Variants in JAZF1 observed in about 807,000 individuals in gnomAD.
JAZF1 encodes JAZF zinc finger 1.
A neutral mutation model predicts 26.4 loss-of-function variants in JAZF1; 8 were observed. That is an observed-to-expected ratio of 0.30 (90% CI 0.18 to 0.55). The LOEUF is 0.55. Ranked by LOEUF, JAZF1 falls within the 20% of genes least tolerant of loss-of-function variation. The pLI is 0.94. For missense variants in JAZF1, 199 were observed against 322.0 expected (o/e 0.62, Z 2.92); for synonymous variants, 126 against 122.3 (o/e 1.03, Z -0.20).
At chr7:28,075,997 TC>T (rs1270464226) in intron 1 of JAZF1, among the ~76,000 whole-genome samples, 1 of 152,334 alleles carries the variant, frequency 6.6e-6, no homozygotes, top group East Asian at 1.9e-4. Context: ...GAATGCCTTC[TC>T]CCCATTCTCA....
At chr7:28,144,050 G>A (rs1446319507) in intron 1 of JAZF1, among the ~76,000 whole-genome samples, 3 of 152,200 alleles carry the variant, frequency 2.0e-5, no homozygotes, top group African/African-American at 4.8e-5. Flanking sequence ...GTGTTAAGAG[G>A]AGGGAAAGAA....
chr7:28,028,521 T>G (rs1783130542), intron 1 of JAZF1, among the ~76,000 whole-genome samples: 1 of 152,186 alleles, frequency 6.6e-6, no homozygotes, highest in Non-Finnish European at 1.5e-5. Flanking sequence ...CTACCACCTT[T>G]CCATTCTGCT....
intron 2 of JAZF1, among the ~76,000 whole-genome samples, chr7:27,911,838 A>G (rs959314914): frequency 3.3e-5 from 5 of 152,192 alleles, no homozygotes; most frequent in Non-Finnish European, 7.4e-5. Flanking sequence ...AAACTTGGGG[A>G]ATACCTGCAG....
At chr7:28,024,880 C>T (rs1257342026) in intron 1 of JAZF1, among the ~76,000 whole-genome samples, 2 of 152,176 alleles carry the variant, frequency 1.3e-5, no homozygotes, top group Non-Finnish European at 2.9e-5. Context: ...CTCTGTATTG[C>T]TTGACAAGGA....
At chr7:27,950,980 A>G (rs1448760543) in intron 2 of JAZF1, among the ~76,000 whole-genome samples, 1 of 152,156 alleles carries the variant, frequency 6.6e-6, no homozygotes, top group Admixed American at 6.5e-5. Context: ...TTCTGCAAAT[A>G]CAAAATGAAG....
At chr7:27,917,046 C>T (rs1784453505) in intron 2 of JAZF1, among the ~76,000 whole-genome samples, 1 of 152,174 alleles carries the variant, frequency 6.6e-6, no homozygotes, top group Admixed American at 6.5e-5. Flanking sequence ...GGAGACCAGC[C>T]TGGGCAACAG....
intron 4 of JAZF1, 32 bp from the exon 5 acceptor site, chr7:27,833,008 G>T (rs368077992): frequency 3.4e-6 from 5 of 1,486,764 alleles, no homozygotes; most frequent in Non-Finnish European, 4.5e-6. Context: ...TTATTACATG[G>T]ATTCACAGGA....
intron 1 of JAZF1, chr7:28,071,615 T>C: frequency 2.1e-6 from 1 of 471,878 alleles, no homozygotes; most frequent in South Asian, 1.5e-5. Context: ...ACCTTTCACT[T>C]ACCATTTGCC....
intron 2 of JAZF1, among the ~76,000 whole-genome samples, chr7:27,937,262 C>G (rs191532019): frequency 2.0e-5 from 3 of 152,198 alleles, no homozygotes; most frequent in African/African-American, 7.2e-5. Flanking sequence ...AAGGACTCCA[C>G]AAGCCTAACT....
chr7:27,993,148 T>C (rs1010496436), intron 1 of JAZF1, among the ~76,000 whole-genome samples: 1 of 152,250 alleles, frequency 6.6e-6, no homozygotes, highest in Non-Finnish European at 1.5e-5. Flanking sequence ...GTTCACTTTA[T>C]TGTTTTTTCT....
chr7:27,932,527 AT>A (rs1165182269), intron 2 of JAZF1, among the ~76,000 whole-genome samples: 2 of 152,254 alleles, frequency 1.3e-5, no homozygotes, highest in African/African-American at 4.8e-5. Flanking sequence ...TAAATTTATG[AT>A]TCGCAACATG....
intron 3 of JAZF1, among the ~76,000 whole-genome samples, chr7:27,845,147 G>A (rs1311486652): frequency 3.9e-5 from 6 of 152,154 alleles, no homozygotes; most frequent in Admixed American, 2.0e-4. Flanking sequence ...AAAAGAGAGG[G>A]GAAAAAACAA....
At chr7:27,939,383 C>G (rs1030296982) in intron 2 of JAZF1, among the ~76,000 whole-genome samples, 4 of 152,182 alleles carry the variant, frequency 2.6e-5, no homozygotes, top group African/African-American at 9.7e-5. Flanking sequence ...GCAGGGGAGG[C>G]AACAGGACAG....
intron 1 of JAZF1, chr7:28,118,030 G>C (rs529568130): frequency 6.6e-6 from 1 of 152,236 alleles, no homozygotes; most frequent in African/African-American, 2.4e-5. Context: ...ATAGGACAGG[G>C]AAAACAGGCA....
In JAZF1 at chr7:28,175,445, T is replaced by C. The variant is rs74680492; in HGVS notation, c.115+5018A>G. ...AAGAAACTAGATGATGTAGACAACT[T>C]ATTATTGTAGATAAACACTTCACAT... On this transcript the variant is annotated intron_variant, in intron 1 of 4. Transcript: ENST00000283928. 4.8e-3 allele frequency among the ~76,000 whole-genome samples: 735 copies of C among 152,310 alleles called. 6 individuals carry two copies. Among genetic ancestry groups the C allele is most frequent in the African/African-American group, 0.017 (706 of 41,568 alleles).
chr7:27,996,124 T>G (rs1006392808), intron 1 of JAZF1, among the ~76,000 whole-genome samples: 7 of 152,200 alleles, frequency 4.6e-5, no homozygotes, highest in African/African-American at 1.4e-4. Context: ...AAACGAAAAC[T>G]CTATCAGGGT....
intron 1 of JAZF1, among the ~76,000 whole-genome samples, chr7:28,077,559 G>A (rs1784071364): frequency 1.3e-5 from 2 of 149,978 alleles, no homozygotes; most frequent in Non-Finnish European, 2.9e-5. Context: ...TTAATTACCT[G>A]ATAGAACCAC....
At position 28,067,402 on chromosome 7, in the gene JAZF1, C is replaced by T. The variant is rs76160046; in HGVS notation, c.116-75421G>A. Among the ~76,000 whole-genome samples the T allele has an allele frequency of 0.027, 4,043 of 152,268 alleles. 278 individuals carry two copies. The East Asian group carries it at 0.29, about 11-fold the overall frequency. ...TGTGCCCATATCCCCAAAGGAATCC[C>T]TTGCTGCTCCTGCCCTCTCCTTGGG... On this transcript the variant is annotated intron_variant, in intron 1 of 4. Coordinates refer to ENST00000283928, the MANE Select transcript of JAZF1 (RefSeq NM_175061.4).
chr7:27,834,471 A>G (rs1782767748), intron 4 of JAZF1, among the ~76,000 whole-genome samples: 1 of 151,744 alleles, frequency 6.6e-6, no homozygotes. Context: ...AAGGACAAAC[A>G]CTCTCCCCTG....
Sources: gnomAD v4.1 joint callset for allele counts (sites outside exome capture counted in the v4.1 genomes callset) on GRCh38, gnomAD v4.1.1 for gene constraint, MANE v1.5 for transcripts, NCBI Gene and HGNC (gene_info 2026-07-23, HGNC 2026-07-21) for gene names.